Variants in IQGAP1 observed in about 807,000 individuals in gnomAD.
The protein encoded by IQGAP1 is IQ motif containing GTPase activating protein 1.
A neutral mutation model predicts 215.6 loss-of-function variants in IQGAP1; 66 were observed. That is an observed-to-expected ratio of 0.31 (90% confidence interval 0.25 to 0.38). The LOEUF (loss-of-function observed/expected upper bound fraction) is 0.38. IQGAP1 is among the 10% of genes least tolerant of loss of function. The pLI, the probability that IQGAP1 is intolerant of heterozygous loss-of-function variation, is 1.00. For missense variants in IQGAP1, 1,712 were observed against 1,997.1 expected, an observed-to-expected ratio of 0.86 and a Z score of 2.72; for synonymous variants, 772 against 728.7, an observed-to-expected ratio of 1.06 and a Z score of -0.96.
chr15:90,497,382 A>G (rs779502487), intron 37 of IQGAP1, 42 bp downstream of exon 37: 9 of 957,112 alleles, frequency 9.4e-6, no homozygotes, highest in Non-Finnish European at 1.5e-5. Flanking sequence ...TCTGGATGAG[A>G]TTCTTGTCCA....
intron 2 of IQGAP1, among the ~76,000 whole-genome samples, chr15:90,407,530 C>T (rs1376945275): frequency 6.6e-6 from 1 of 152,112 alleles, no homozygotes; most frequent in African/African-American, 2.4e-5. Context: ...AATTTCCAAA[C>T]GGTGTCTGAG....
intron 4 of IQGAP1, among the ~76,000 whole-genome samples, chr15:90,432,576 TTC>T (rs1965317462): frequency 6.6e-6 from 1 of 152,182 alleles, no homozygotes; most frequent in South Asian, 2.1e-4. Context: ...AACCTTATTT[TTC>T]TGTTATTTTC....
At chr15:90,456,131 T>G in intron 14 of IQGAP1, 21 bp from the exon 15 acceptor site, 1 of 1,598,534 alleles carries the variant, frequency 6.3e-7, no homozygotes, top group Non-Finnish European at 8.5e-7. Flanking sequence ...AAAAAAAAAC[T>G]TTCTGTCTCT....
chr15:90,419,875 T>A (rs1452079490), intron 2 of IQGAP1, among the ~76,000 whole-genome samples: 1 of 152,162 alleles, frequency 6.6e-6, no homozygotes. Context: ...CAGTGTTCAG[T>A]TGGAGAAAGT....
At chr15:90,418,622 G>A (rs1032690746) in intron 2 of IQGAP1, among the ~76,000 whole-genome samples, 3 of 152,058 alleles carry the variant, frequency 2.0e-5, no homozygotes, top group Non-Finnish European at 4.4e-5. Flanking sequence ...ATTAAAGATA[G>A]CCTTTTGTAT....
intron 34 of IQGAP1, among the ~76,000 whole-genome samples, chr15:90,491,939 A>G (rs1331222414): frequency 6.6e-6 from 1 of 152,216 alleles, no homozygotes; most frequent in East Asian, 1.9e-4. Context: ...GTGCTGTTGC[A>G]CTAAGATAAT....
rs1965559320 is a variant in IQGAP1 at position 90,448,750 on chromosome 15, G to A, written c.1077+14G>A. 1 of 1,537,524 alleles carries A rather than the reference G, an allele frequency of 6.5e-7. No individual in the cohort carries two copies. On this transcript the variant is annotated intron_variant, in intron 10 of 37. Transcript: ENST00000268182. ...CAGAAGAGACAGGTAAACATAGTCT[G>A]GATTGAAGCTGCAAGAGTTTGTATA... is the stretch of plus-strand genomic sequence containing the variant.
chr15:90,455,565 C>T (rs1596275116), intron 14 of IQGAP1, among the ~76,000 whole-genome samples: 1 of 152,110 alleles, frequency 6.6e-6, no homozygotes, highest in Non-Finnish European at 1.5e-5. Context: ...AGTACGGCTG[C>T]CTAAGATACC....
At chr15:90,436,352 C>G (rs768931865) in intron 5 of IQGAP1, among the ~76,000 whole-genome samples, 2 of 152,152 alleles carry the variant, frequency 1.3e-5, no homozygotes, top group African/African-American at 2.4e-5. Flanking sequence ...AATAGAAATA[C>G]ACTTTCTAAT....
intron 36 of IQGAP1, 24 bp downstream of exon 36, chr15:90,494,859 TAA>T: frequency 6.4e-7 from 1 of 1,563,970 alleles, no homozygotes. Context: ...TTTTGTTTTA[TAA>T]GTTGATTTTT....
intron 7 of IQGAP1, among the ~76,000 whole-genome samples, chr15:90,440,919 G>A (rs1363677728): frequency 6.6e-6 from 1 of 152,028 alleles, no homozygotes; most frequent in African/African-American, 2.4e-5. Context: ...GACCAGCCTG[G>A]CCATGGTGAA....
chr15:90,416,424 A>G lies in IQGAP1; in HGVS notation c.156-9686A>G, dbSNP rs550761895. 6.0e-4 allele frequency among the ~76,000 whole-genome samples: 92 copies of G among 152,296 alleles called. 1 individual carries two copies. The highest frequency in any genetic ancestry group is 2.1e-3 in the African/African-American group (87 of 41,574). ...TAATCCTTTGGGTACATACCCAGTA[A>G]TGGGATGGCTGGGTCAAATGGTATT... On this transcript the variant is annotated intron_variant, in intron 2 of 37. Transcript: ENST00000268182.
chr15:90,442,103 A>C lies in IQGAP1; in HGVS notation c.828+419A>C, dbSNP rs1965458674. On this transcript the variant is annotated intron_variant, in intron 8 of 37. Coordinates refer to ENST00000268182, the MANE Select transcript of IQGAP1 (RefSeq NM_003870.4). ...ATTAATAGTGCCCTTTGGAAAGATTATCTCTAAATATTAACATAGTCTTTC... is the reference window on the plus strand; with the variant it reads ...ATTAATAGTGCCCTTTGGAAAGATTCTCTCTAAATATTAACATAGTCTTTC... 2.0e-5 allele frequency among the ~76,000 whole-genome samples: 3 copies of C among 152,228 alleles called. No homozygotes were observed. In the South Asian group the frequency reaches 6.2e-4, roughly 31 times the overall value.
intron 2 of IQGAP1, among the ~76,000 whole-genome samples, chr15:90,410,951 T>C (rs2091483297): frequency 6.6e-6 from 1 of 152,090 alleles, no homozygotes; most frequent in East Asian, 1.9e-4. Context: ...CTATGTCCCA[T>C]GGAAATTTTT....
At position 90,483,364 on chromosome 15, in the gene IQGAP1, A is replaced by G. The variant is rs1324921791; in HGVS notation, c.3559A>G (p.Ile1187Val). The G allele has an allele frequency of 6.2e-7, 1 of 1,610,262 alleles. No homozygotes were observed. Among genetic ancestry groups the G allele is most frequent in the Non-Finnish European group, 8.5e-7 (1 of 1,176,686 alleles). ...DAGEDELLKI[I>V]GNLLYYRYMN... ...CTTTCTGTTTCGTCTGTTCCAGATT[A>G]TTGGTAACTTGCTTTATTATCGATA... Residue 1187 changes from isoleucine (I) to valine (V), a missense_variant, in exon 29 of 38, where the codon ATT (isoleucine) becomes GTT (valine). Physicochemically the swap from Ile to Val is conservative, Grantham distance 29. This residue lies in a region of IQGAP1 where 691 missense variants were observed against 923.0 expected (regional missense o/e 0.75). Coordinates refer to ENST00000268182, the MANE Select transcript of IQGAP1 (RefSeq NM_003870.4).
chr15:90,476,020 C>T (rs1050068027), intron 23 of IQGAP1, among the ~76,000 whole-genome samples: 3 of 151,954 alleles, frequency 2.0e-5, no homozygotes, highest in African/African-American at 2.4e-5. Context: ...ACTGCAACCT[C>T]GACCTCCTAG....
At chr15:90,440,929 A>C (rs1965440021) in intron 7 of IQGAP1, among the ~76,000 whole-genome samples, 1 of 152,124 alleles carries the variant, frequency 6.6e-6, no homozygotes, top group Non-Finnish European at 1.5e-5. Context: ...GCCATGGTGA[A>C]ACCCCGTCTC....
At chr15:90,398,643 A>G (rs1365125827) in intron 2 of IQGAP1, among the ~76,000 whole-genome samples, 1 of 152,194 alleles carries the variant, frequency 6.6e-6, no homozygotes, top group Non-Finnish European at 1.5e-5. Flanking sequence ...AATTGTGCTG[A>G]GAATACTGAT....
At chr15:90,459,205 CAG>C (rs1338303193) in intron 15 of IQGAP1, among the ~76,000 whole-genome samples, 18 of 152,154 alleles carry the variant, frequency 1.2e-4, no homozygotes, top group Admixed American at 3.9e-4. Flanking sequence ...AATTAGAAAA[CAG>C]ATGTTAATTA....
Sources: allele counts gnomAD v4.1 joint callset (sites outside exome capture counted in the v4.1 genomes callset), GRCh38; gene constraint gnomAD v4.1.1; regional missense constraint gnomAD v4.1.1; transcripts MANE v1.5; gene names NCBI Gene and HGNC (gene_info 2026-07-23, HGNC 2026-07-21).